Variants in KCNT2 observed in about 807,000 individuals in gnomAD.
The protein encoded by KCNT2 is potassium channel subfamily T member 2.
In KCNT2, 67 loss-of-function variants were observed where a neutral mutation model predicts 153.8. The ratio of observed to expected loss-of-function variants is 0.44; its 90% CI spans 0.36 to 0.53. The LOEUF (loss-of-function observed/expected upper bound fraction) is 0.53, where lower values mean the gene tolerates loss of function less well. KCNT2 is among the 20% of genes least tolerant of loss of function. The probability of loss-of-function intolerance (pLI) is 0.00; values close to 1 mark genes in which losing one functional copy is unlikely to be tolerated. For synonymous variants in KCNT2, 500 were observed against 458.8 expected (o/e 1.09, Z -1.15); for missense variants, 975 against 1,354.8 (o/e 0.72, Z 4.40).
chr1:196,261,289 C>T (rs1311095181), intron 25 of KCNT2, among the ~76,000 whole-genome samples: 1 of 151,864 alleles, frequency 6.6e-6, no homozygotes, highest in East Asian at 1.9e-4. Context: ...CTACCACTTA[C>T]CAGTTTGCCT....
chr1:196,589,569 C>T (rs967506387), intron 1 of KCNT2, among the ~76,000 whole-genome samples: 4 of 152,052 alleles, frequency 2.6e-5, no homozygotes, highest in African/African-American at 7.2e-5. Flanking sequence ...AAACCAATCC[C>T]TCTGAGGCCA....
At chr1:196,261,281 A>G (rs1422989013) in intron 25 of KCNT2, among the ~76,000 whole-genome samples, 1 of 151,890 alleles carries the variant, frequency 6.6e-6, no homozygotes, top group Non-Finnish European at 1.5e-5. Flanking sequence ...TAACAGTTCT[A>G]CCACTTACCA....
intron 22 of KCNT2, among the ~76,000 whole-genome samples, chr1:196,303,287 G>A (rs1196594749): frequency 6.6e-6 from 1 of 152,168 alleles, no homozygotes; most frequent in Non-Finnish European, 1.5e-5. Context: ...CTCTTTGGGA[G>A]TTTAGCCTAG....
chr1:196,484,194 T>C (rs1229286363), intron 3 of KCNT2, among the ~76,000 whole-genome samples: 2 of 152,050 alleles, frequency 1.3e-5, no homozygotes, highest in African/African-American at 4.8e-5. Context: ...TAAAATCTGC[T>C]TGACTTTCAT....
chr1:196,334,975 G>A (rs1356277797), intron 16 of KCNT2, among the ~76,000 whole-genome samples: 3 of 152,096 alleles, frequency 2.0e-5, no homozygotes, highest in Non-Finnish European at 2.9e-5. Context: ...AGTGGCTTAA[G>A]GTTATTGAAT....
At chr1:196,404,883 G>A (rs189840550) in intron 12 of KCNT2, among the ~76,000 whole-genome samples, 1 of 151,656 alleles carries the variant, frequency 6.6e-6, no homozygotes, top group Non-Finnish European at 1.5e-5. Flanking sequence ...CATTAAATGT[G>A]ATAATATAAA....
At chr1:196,289,528 G>T (rs1024248870) in intron 22 of KCNT2, among the ~76,000 whole-genome samples, 3 of 152,008 alleles carry the variant, frequency 2.0e-5, no homozygotes, top group African/African-American at 7.2e-5. Context: ...TACATCAAAA[G>T]ACAATTTATT....
In KCNT2 at chr1:196,608,439, A is replaced by G; in HGVS notation, c.-130T>C. On this transcript the variant is annotated 5_prime_UTR_variant, in exon 1 of 28. Coordinates refer to ENST00000294725, the MANE Select transcript of KCNT2 (RefSeq NM_198503.5). ...CCGAGAGAGGGATGGGAGAAGGGGAAGGGGACAGGGAGGGGGAGGGGGTCC... is the reference window on the plus strand; with the variant it reads ...CCGAGAGAGGGATGGGAGAAGGGGAGGGGGACAGGGAGGGGGAGGGGGTCC... The G allele has an allele frequency of 1.8e-6, 1 of 541,556 alleles. No homozygotes were observed. 33.5% of individuals were successfully genotyped at this position (541,556 alleles called of 1,614,324 possible).
chr1:196,505,433 A>T (rs1048411294), intron 1 of KCNT2, among the ~76,000 whole-genome samples: 1 of 151,478 alleles, frequency 6.6e-6, no homozygotes. Context: ...GTTCTGTTCC[A>T]TTGATCTATA....
intron 12 of KCNT2, among the ~76,000 whole-genome samples, chr1:196,414,988 A>C (rs1371360781): frequency 6.6e-6 from 1 of 151,932 alleles, no homozygotes; most frequent in Non-Finnish European, 1.5e-5. Flanking sequence ...TTCCAAATTA[A>C]TATCCAAGAA....
chr1:196,356,473 T>C (rs1667186857), intron 14 of KCNT2, among the ~76,000 whole-genome samples: 2 of 151,774 alleles, frequency 1.3e-5, no homozygotes, highest in South Asian at 2.1e-4. Context: ...TAACTCTTAA[T>C]TAAATGCTAT....
At chr1:196,337,037 A>G (rs1665106859) in intron 16 of KCNT2, among the ~76,000 whole-genome samples, 1 of 152,132 alleles carries the variant, frequency 6.6e-6, no homozygotes, top group Non-Finnish European at 1.5e-5. Context: ...ACATAAGATC[A>G]GAAATACAAA....
chr1:196,448,593 T>G (rs1034452554), intron 8 of KCNT2, among the ~76,000 whole-genome samples: 5 of 151,666 alleles, frequency 3.3e-5, no homozygotes, highest in Non-Finnish European at 7.4e-5. Context: ...TAATCCCGAC[T>G]CTGTTGACTT....
At chr1:196,371,519 A>G (rs915523486) in intron 14 of KCNT2, among the ~76,000 whole-genome samples, 3 of 152,090 alleles carry the variant, frequency 2.0e-5, no homozygotes, top group African/African-American at 7.2e-5. Context: ...ATTTCAATAA[A>G]TCTACTATAA....
intron 20 of KCNT2, among the ~76,000 whole-genome samples, chr1:196,316,592 G>A (rs1264142499): frequency 6.6e-6 from 1 of 151,676 alleles, no homozygotes; most frequent in Non-Finnish European, 1.5e-5. Context: ...TACAAATTCT[G>A]TTGTATGCAA....
chr1:196,274,030 G>A (rs1455112625), intron 25 of KCNT2, among the ~76,000 whole-genome samples: 1 of 151,522 alleles, frequency 6.6e-6, no homozygotes, highest in Non-Finnish European at 1.5e-5. Context: ...CATTATTGGT[G>A]TTAATATTTG....
intron 1 of KCNT2, among the ~76,000 whole-genome samples, chr1:196,501,164 A>C (rs924398810): frequency 6.6e-6 from 1 of 152,204 alleles, no homozygotes; most frequent in Admixed American, 6.5e-5. Flanking sequence ...AGAACTGAAA[A>C]TCAAACTACC....
intron 25 of KCNT2, among the ~76,000 whole-genome samples, chr1:196,272,324 T>C (rs1658145025): frequency 6.6e-6 from 1 of 151,946 alleles, no homozygotes; most frequent in African/African-American, 2.4e-5. Flanking sequence ...TCAATCTGGC[T>C]GCACTATGCA....
At chr1:196,459,873 C>A (rs1335611244) in intron 8 of KCNT2, among the ~76,000 whole-genome samples, 1 of 151,766 alleles carries the variant, frequency 6.6e-6, no homozygotes, top group African/African-American at 2.4e-5. Flanking sequence ...TGCCCTCTAA[C>A]CCCTTAAAAC....
Sources: gnomAD v4.1 joint callset for allele counts (sites outside exome capture counted in the v4.1 genomes callset) on GRCh38, gnomAD v4.1.1 for gene constraint, MANE v1.5 for transcripts, NCBI Gene and HGNC (gene_info 2026-07-23, HGNC 2026-07-21) for gene names.